PDS5B: variants seen among roughly 807,000 people sequenced by gnomAD.
PDS5B encodes the protein PDS5 cohesin associated factor B.
PDS5B carries 51 observed loss-of-function variants against 184.1 expected under a neutral mutation model. That is an observed-to-expected ratio of 0.28 (90% CI 0.22 to 0.35). The LOEUF (loss-of-function observed/expected upper bound fraction) is 0.35. PDS5B is among the 10% of genes least tolerant of loss of function. The pLI, the probability that PDS5B is intolerant of heterozygous loss-of-function variation, is 1.00. For synonymous variants in PDS5B, 566 were observed against 569.2 expected, an observed-to-expected ratio of 0.99 and a Z score of 0.08; for missense variants, 1,180 against 1,723.3, an observed-to-expected ratio of 0.68 and a Z score of 5.58.
chr13:32,678,578 G>T (rs1951137354), intron 9 of PDS5B, among the ~76,000 whole-genome samples: 1 of 152,238 alleles, frequency 6.6e-6, no homozygotes, highest in South Asian at 2.1e-4. Context: ...TTATATTTGA[G>T]CCAAATGTAT....
chr13:32,603,305 C>T (rs532178053), intron 1 of PDS5B, among the ~76,000 whole-genome samples: 1 of 152,332 alleles, frequency 6.6e-6, no homozygotes, highest in East Asian at 1.9e-4. Context: ...TTTCAGCTTT[C>T]TACATATGGG....
intron 1 of PDS5B, among the ~76,000 whole-genome samples, chr13:32,603,000 T>C (rs548758026): frequency 6.6e-5 from 10 of 152,366 alleles, no homozygotes; most frequent in East Asian, 1.9e-4. Flanking sequence ...ATTAGCCCTT[T>C]GTCAGATGGG....
intron 1 of PDS5B, among the ~76,000 whole-genome samples, chr13:32,644,599 T>C (rs73448633): frequency 0.012 from 1,903 of 152,244 alleles, 49 homozygotes; most frequent in African/African-American, 0.043. Flanking sequence ...AAAGTGATGA[T>C]AGTAGGTATG....
chr13:32,709,487 G>GT lies in PDS5B; in HGVS notation c.1963-458dup, dbSNP rs1330682720. Among the ~76,000 whole-genome samples the GT allele has an allele frequency of 2.6e-5, 4 of 151,758 alleles. No individual in the cohort carries two copies. The East Asian group carries it at 7.7e-4, about 29-fold the overall frequency. ...CTGTTTCATGATTATTCTAATGTTC[G>GT]TACCATTGTGATTTGGACATTGGAA... On this transcript the variant is annotated intron_variant, in intron 18 of 34. Coordinates refer to ENST00000315596, the MANE Select transcript of PDS5B (RefSeq NM_015032.4).
chr13:32,721,895 T>C (rs1027015112), intron 19 of PDS5B, among the ~76,000 whole-genome samples: 1 of 149,048 alleles, frequency 6.7e-6, no homozygotes, highest in East Asian at 2.0e-4. Flanking sequence ...GCAGAGGGGC[T>C]CCTCACATCC....
chr13:32,675,154 T>C (rs2140769865), intron 8 of PDS5B, among the ~76,000 whole-genome samples: 1 of 152,260 alleles, frequency 6.6e-6, no homozygotes, highest in African/African-American at 2.4e-5. Flanking sequence ...TCAGTGCCTT[T>C]TGATATACCC....
At chr13:32,729,673 T>C (rs1953034214) in intron 19 of PDS5B, among the ~76,000 whole-genome samples, 1 of 152,258 alleles carries the variant, frequency 6.6e-6, no homozygotes, top group Non-Finnish European at 1.5e-5. Context: ...ATTGTGGTTT[T>C]GATTTGCATT....
At chr13:32,602,069 A>C (rs1161227504) in intron 1 of PDS5B, among the ~76,000 whole-genome samples, 1 of 151,996 alleles carries the variant, frequency 6.6e-6, no homozygotes, top group Non-Finnish European at 1.5e-5. Flanking sequence ...TTTTCAGTTA[A>C]ATTCTTTTTT....
chr13:32,601,590 C>G (rs2057975728), intron 1 of PDS5B, among the ~76,000 whole-genome samples: 1 of 152,204 alleles, frequency 6.6e-6, no homozygotes, highest in Non-Finnish European at 1.5e-5. Flanking sequence ...CATTTTTCAG[C>G]TGTCTTTGAC....
chr13:32,666,174 A>G (rs1331284645), intron 6 of PDS5B, among the ~76,000 whole-genome samples: 2 of 152,230 alleles, frequency 1.3e-5, no homozygotes, highest in Admixed American at 6.5e-5. Flanking sequence ...TCTGCCTCCC[A>G]GGTTCAAGCA....
intron 19 of PDS5B, among the ~76,000 whole-genome samples, chr13:32,714,060 A>C (rs1364217325): frequency 1.3e-5 from 2 of 152,214 alleles, no homozygotes; most frequent in Middle Eastern, 3.2e-3. Context: ...AGCCACAAAA[A>C]CCAGCAAGTT....
intron 28 of PDS5B, among the ~76,000 whole-genome samples, 172 bp downstream of exon 28, chr13:32,758,825 T>C (rs113290173): frequency 4.4e-4 from 67 of 152,150 alleles, no homozygotes; most frequent in African/African-American, 1.4e-3. Flanking sequence ...GGTTCAGATA[T>C]TAGGATGATC....
In PDS5B at chr13:32,777,528, A is replaced by G. The variant is rs1043618306; in HGVS notation, c.*2476A>G. 6.6e-6 allele frequency: 1 copy of G among 152,300 alleles called. No individual in the cohort carries two copies. 9.4% of individuals were successfully genotyped at this position (152,300 alleles called of 1,614,324 possible). A position where few individuals can be genotyped will look rare whatever the true frequency, so the allele number is the denominator to read the frequency against. ...GTGTATAAAACATTAATTGCTAACA[A>G]TTGTTAGCAAACTATTTCAGTGATA... On this transcript the variant is annotated 3_prime_UTR_variant, in exon 35 of 35. Transcript: ENST00000315596.
chr13:32,732,954 T>C (rs1953177232), intron 20 of PDS5B, among the ~76,000 whole-genome samples: 9 of 152,136 alleles, frequency 5.9e-5, no homozygotes, highest in African/African-American at 2.4e-5. Context: ...GTTGGTACTT[T>C]TGTCATATTT....
chr13:32,667,647 A>T (rs1950837098), intron 6 of PDS5B, 117 bp from the exon 7 acceptor site: 1 of 629,104 alleles, frequency 1.6e-6, no homozygotes, highest in African/African-American at 1.9e-5. Context: ...TCTCTCTTTT[A>T]TTCCAATTGA....
At chr13:32,598,334 A>G (rs1170708072) in intron 1 of PDS5B, among the ~76,000 whole-genome samples, 1 of 152,054 alleles carries the variant, frequency 6.6e-6, no homozygotes, top group Non-Finnish European at 1.5e-5. Context: ...TGGCCTCCCA[A>G]AGTGCTGGGA....
chr13:32,767,686 A>C (rs1375476409), intron 31 of PDS5B, among the ~76,000 whole-genome samples: 1 of 152,140 alleles, frequency 6.6e-6, no homozygotes, highest in East Asian at 1.9e-4. Context: ...GATAGGGAGG[A>C]CCTATATGTA....
At chr13:32,697,584 G>T (rs1312128444) in intron 15 of PDS5B, among the ~76,000 whole-genome samples, 3 of 152,234 alleles carry the variant, frequency 2.0e-5, no homozygotes, top group African/African-American at 4.8e-5. Flanking sequence ...TTTGGATTAA[G>T]TAATGGGAAT....
At position 32,731,214 on chromosome 13, in the gene PDS5B, A is replaced by G. The variant is rs370107759; in HGVS notation, c.2124-887A>G. ...CCTTTGGTATCTTTTGTGAGACTCTACTCTTAGTGTGATAAGCACTGGGTT... is the reference window on the plus strand; with the variant it reads ...CCTTTGGTATCTTTTGTGAGACTCTGCTCTTAGTGTGATAAGCACTGGGTT... On this transcript the variant is annotated intron_variant, in intron 19 of 34. Coordinates refer to ENST00000315596, the MANE Select transcript of PDS5B (RefSeq NM_015032.4). Among the ~76,000 whole-genome samples the G allele has an allele frequency of 2.8e-4, 43 of 151,974 alleles. No individual in the cohort carries two copies. In the East Asian group the frequency reaches 5.6e-3, roughly 20 times the overall value.
Sources: gnomAD v4.1 joint callset for allele counts (sites outside exome capture counted in the v4.1 genomes callset) on GRCh38, gnomAD v4.1.1 for gene constraint, MANE v1.5 for transcripts, NCBI Gene and HGNC (gene_info 2026-07-23, HGNC 2026-07-21) for gene names.